CNTN3: variants seen among roughly 807,000 people sequenced by gnomAD.
The protein encoded by CNTN3 is contactin-3.
Under a neutral mutation model 119.1 loss-of-function variants are expected in CNTN3, and 60 were observed. The ratio of observed to expected loss-of-function variants is 0.50; its 90% CI spans 0.41 to 0.62. CNTN3 has a LOEUF of 0.62. Ranked by LOEUF, CNTN3 falls within the 20% of genes least tolerant of loss-of-function variation. The pLI is 0.00. For missense variants in CNTN3, 1,101 were observed against 1,242.4 expected (o/e 0.89, Z 1.71); for synonymous variants, 450 against 438.7 (o/e 1.03, Z -0.32).
chr3:74,479,823 C>A (rs748795032), intron 4 of CNTN3, among the ~76,000 whole-genome samples: 1 of 151,984 alleles, frequency 6.6e-6, no homozygotes, highest in Non-Finnish European at 1.5e-5. Context: ...GGATATAATT[C>A]TCCAAGAAGA....
intron 19 of CNTN3, among the ~76,000 whole-genome samples, chr3:74,291,362 C>T (rs905075847): frequency 6.6e-6 from 1 of 152,140 alleles, no homozygotes; most frequent in African/African-American, 2.4e-5. Flanking sequence ...AATAAACATA[C>T]ATGTGCATGT....
chr3:74,564,273 G>A (rs1704195245), intron 1 of CNTN3, among the ~76,000 whole-genome samples: 1 of 152,074 alleles, frequency 6.6e-6, no homozygotes, highest in Admixed American at 6.6e-5. Context: ...GGTAAGGCCA[G>A]GAAGCAGAAG....
At chr3:74,513,565 C>A (rs146849502) in intron 2 of CNTN3, among the ~76,000 whole-genome samples, 69 of 152,084 alleles carry the variant, frequency 4.5e-4, no homozygotes, top group African/African-American at 1.6e-3. Flanking sequence ...TGTTAACACA[C>A]CATTTCACAC....
At chr3:74,519,686 G>A (rs1302900018) in intron 2 of CNTN3, among the ~76,000 whole-genome samples, 1 of 151,624 alleles carries the variant, frequency 6.6e-6, no homozygotes, top group Non-Finnish European at 1.5e-5. Flanking sequence ...TATAAATGAA[G>A]AAAAGACTCC....
chr3:74,421,143 C>T lies in CNTN3; in HGVS notation c.454+3702G>A, dbSNP rs1177767337. On this transcript the variant is annotated intron_variant, in intron 5 of 22. Coordinates refer to ENST00000263665, the MANE Select transcript of CNTN3 (RefSeq NM_020872.3). ...CTAAGCAACACTCAATAGACAGAGG[C>T]TAACACTACTATGATTATTTTTATT... 3.3e-5 allele frequency among the ~76,000 whole-genome samples: 5 copies of T among 152,094 alleles called. 1 individual carries two copies. Among genetic ancestry groups the T allele is most frequent in the South Asian group, 4.1e-4 (2 of 4,826 alleles).
chr3:74,355,305 C>T (rs1302279222), intron 11 of CNTN3, among the ~76,000 whole-genome samples: 1 of 152,104 alleles, frequency 6.6e-6, no homozygotes, highest in Non-Finnish European at 1.5e-5. Flanking sequence ...TTTTCTCAAA[C>T]TCCTCAAGGC....
intron 11 of CNTN3, among the ~76,000 whole-genome samples, chr3:74,357,431 G>A (rs1344128821): frequency 2.0e-5 from 3 of 151,970 alleles, no homozygotes; most frequent in African/African-American, 7.3e-5. Flanking sequence ...TTACAGTCAT[G>A]CAGCACCACA....
intron 8 of CNTN3, 65 bp downstream of exon 8, chr3:74,369,124 C>A: frequency 1.6e-6 from 2 of 1,279,028 alleles, no homozygotes; most frequent in Non-Finnish European, 2.1e-6. Context: ...CCCTAAATAA[C>A]AACCATATTT....
chr3:74,391,058 G>A (rs946784375), intron 5 of CNTN3, among the ~76,000 whole-genome samples: 9 of 152,198 alleles, frequency 5.9e-5, no homozygotes, highest in African/African-American at 2.2e-4. Flanking sequence ...TGAATGAAAG[G>A]GTTTTAATAA....
At chr3:74,356,139 C>T (rs1575748021) in intron 11 of CNTN3, among the ~76,000 whole-genome samples, 1 of 152,136 alleles carries the variant, frequency 6.6e-6, no homozygotes, top group East Asian at 1.9e-4. Context: ...CCCCTTCTAC[C>T]ATGTGAGGAT....
At chr3:74,497,019 C>T (rs1703078400) in intron 3 of CNTN3, among the ~76,000 whole-genome samples, 2 of 151,990 alleles carry the variant, frequency 1.3e-5, no homozygotes, top group African/African-American at 4.8e-5. Context: ...TATTCTGAAT[C>T]CTTAAAAACA....
intron 1 of CNTN3, among the ~76,000 whole-genome samples, chr3:74,566,133 T>C (rs968764965): frequency 6.6e-6 from 1 of 152,174 alleles, no homozygotes; most frequent in African/African-American, 2.4e-5. Context: ...TATGGCTTTA[T>C]GAGCAGCATG....
chr3:74,527,938 C>T (rs935860088), intron 1 of CNTN3, among the ~76,000 whole-genome samples: 2 of 151,978 alleles, frequency 1.3e-5, no homozygotes, highest in African/African-American at 4.8e-5. Context: ...AATGCTTTTC[C>T]AAGGTAGCCA....
At chr3:74,576,143 T>C (rs1704412444) in intron 1 of CNTN3, among the ~76,000 whole-genome samples, 1 of 152,136 alleles carries the variant, frequency 6.6e-6, no homozygotes, top group African/African-American at 2.4e-5. Context: ...TCCTTCCTTG[T>C]CTCTTTCCTC....
intron 4 of CNTN3, among the ~76,000 whole-genome samples, chr3:74,453,152 CTT>C (rs887229854): frequency 2.6e-5 from 4 of 151,894 alleles, no homozygotes; most frequent in South Asian, 4.2e-4. Context: ...GTCCTGGACT[CTT>C]TTTGGTTGGT....
Position 74,299,940 on chromosome 3 carries a change from T to A in CNTN3, c.2096-2A>T. 6.3e-7 allele frequency: 1 copy of A among 1,590,136 alleles called. No individual in the cohort carries two copies. Among genetic ancestry groups the A allele is most frequent in the Non-Finnish European group, 8.6e-7 (1 of 1,167,866 alleles). On this transcript the variant is annotated splice_acceptor_variant, in intron 16 of 22. Coordinates refer to ENST00000263665, the MANE Select transcript of CNTN3 (RefSeq NM_020872.3). LOFTEE classifies it high-confidence loss of function. ...CTTCAGAAGGAGGCACTTCTGGAAC[T>A]ATACAGGTCAGAGAAACAGAGATGA... is the stretch of plus-strand genomic sequence containing the variant.
intron 1 of CNTN3, among the ~76,000 whole-genome samples, chr3:74,546,242 G>A (rs1321282499): frequency 6.6e-6 from 1 of 152,048 alleles, no homozygotes; most frequent in Non-Finnish European, 1.5e-5. Flanking sequence ...TGATCAGCAC[G>A]CCTCAGCCTC....
At chr3:74,540,850 T>C (rs954107489) in intron 1 of CNTN3, among the ~76,000 whole-genome samples, 1 of 152,202 alleles carries the variant, frequency 6.6e-6, no homozygotes, top group African/African-American at 2.4e-5. Context: ...TCATTCTAGT[T>C]TATATGTGCA....
rs1702460713 is a variant in CNTN3, at chr3:74,301,731, C to A, written c.1861G>T (p.Gly621Cys). The A allele has an allele frequency of 6.2e-7, 1 of 1,613,958 alleles. No individual in the cohort carries two copies. The highest frequency in any genetic ancestry group is 1.3e-5 in the African/African-American group (1 of 74,920). ...ATAACTGGGCTATGGTTGTCTTTAC[C>A]TTCTTTCCAAGAGAGTTGGGCTGTT... ...DTTAQLSWKE[G>C]KDNHSPVISY... Residue 621 changes from glycine to cysteine, a missense_variant, in exon 15 of 23, where the codon GGT (glycine) becomes TGT (cysteine). Coordinates refer to ENST00000263665, the MANE Select transcript of CNTN3 (RefSeq NM_020872.3).
Sources: allele counts gnomAD v4.1 joint callset (sites outside exome capture counted in the v4.1 genomes callset), GRCh38; gene constraint gnomAD v4.1.1; transcripts MANE v1.5; gene names NCBI Gene and HGNC (gene_info 2026-07-23, HGNC 2026-07-21).